ICE2: variants seen among roughly 807,000 people sequenced by gnomAD.
ICE2 encodes the protein interactor of little elongation complex ELL subunit 2, also known as little elongation complex subunit 2.
In ICE2, 87 loss-of-function variants were observed where a neutral mutation model predicts 105.4. The observed-to-expected ratio is 0.83, with a 90% CI of 0.69 to 0.99. ICE2 has a LOEUF of 0.99. Ranked by LOEUF, ICE2 falls within the 50% of genes least tolerant of loss-of-function variation. The pLI is 0.00. For synonymous variants in ICE2, 399 were observed against 392.0 expected (o/e 1.02, Z -0.21); for missense variants, 1,323 against 1,146.7 (o/e 1.15, Z -2.22).
chr15:60,475,244 A>G (rs985134047), intron 3 of ICE2, among the ~76,000 whole-genome samples: 7 of 152,232 alleles, frequency 4.6e-5, no homozygotes, highest in Non-Finnish European at 7.3e-5. Context: ...TCGATCAAAA[A>G]GCAAAGAAGA....
At chr15:60,462,605 A>C (rs1285033914) in intron 5 of ICE2, among the ~76,000 whole-genome samples, 1 of 152,204 alleles carries the variant, frequency 6.6e-6, no homozygotes, top group Admixed American at 6.5e-5. Flanking sequence ...ATAGCCCATA[A>C]AGTTTTTGTA....
rs561202608 is a variant in ICE2 at position 60,434,853 on chromosome 15, T to C, written c.2510+1290A>G. Among the ~76,000 whole-genome samples the C allele has an allele frequency of 2.6e-5, 4 of 152,294 alleles. No homozygotes were observed. In the South Asian group the frequency reaches 6.2e-4, roughly 24 times the overall value. Reference sequence around the variant, plus strand: ...ACCATAGTAGAGAAATTACAGTTCATCATAATTTACTGTATATGTCCAAAT... The same window carrying C: ...ACCATAGTAGAGAAATTACAGTTCACCATAATTTACTGTATATGTCCAAAT... On this transcript the variant is annotated intron_variant, in intron 13 of 15. Coordinates refer to ENST00000261520, the MANE Select transcript of ICE2 (RefSeq NM_024611.6).
chr15:60,435,599 C>A (rs1317901757), intron 13 of ICE2, among the ~76,000 whole-genome samples: 4 of 143,360 alleles, frequency 2.8e-5, no homozygotes, highest in African/African-American at 1.1e-4. Flanking sequence ...AACTCTGTCT[C>A]AAAAAAAAAA....
rs1288018776 is a variant in ICE2, at chr15:60,464,731, G to T, written c.528+1863C>A. On this transcript the variant is annotated intron_variant, in intron 5 of 15. Coordinates refer to ENST00000261520, the MANE Select transcript of ICE2 (RefSeq NM_024611.6). ...ATCATGCAGGCCACTGTAGAACTTT[G>T]TAAAGACTCTTCCTAAGAAAGATGG... 2.0e-5 allele frequency among the ~76,000 whole-genome samples: 3 copies of T among 152,136 alleles called. No homozygotes were observed. In the East Asian group the frequency reaches 5.8e-4, roughly 29 times the overall value.
chr15:60,462,412 G>C (rs2064304162), intron 5 of ICE2, among the ~76,000 whole-genome samples: 1 of 152,086 alleles, frequency 6.6e-6, no homozygotes, highest in African/African-American at 2.4e-5. Flanking sequence ...TAGATTTTAA[G>C]TGTTCTCACA....
intron 9 of ICE2, among the ~76,000 whole-genome samples, chr15:60,450,554 TC>T: frequency 6.6e-6 from 1 of 152,324 alleles, no homozygotes; most frequent in East Asian, 1.9e-4. Context: ...CTCTCTTCAA[TC>T]TGACAGAGCA....
intron 11 of ICE2, chr15:60,447,464 T>C (rs980944007): frequency 3.3e-5 from 5 of 152,236 alleles, no homozygotes; most frequent in Admixed American, 2.6e-4. Context: ...GATTTTCGAA[T>C]ATTTACATAT....
chr15:60,456,068 C>A (rs781058391), intron 6 of ICE2, among the ~76,000 whole-genome samples: 69 of 151,738 alleles, frequency 4.5e-4, no homozygotes, highest in Non-Finnish European at 9.0e-4. Context: ...AAAAAAGGGG[C>A]TTTCTGCTTG....
intron 3 of ICE2, among the ~76,000 whole-genome samples, chr15:60,475,753 T>C (rs1399748390): frequency 6.6e-6 from 1 of 152,140 alleles, no homozygotes; most frequent in Non-Finnish European, 1.5e-5. Flanking sequence ...CAATTATTAG[T>C]ATAATATTGG....
intron 5 of ICE2, among the ~76,000 whole-genome samples, chr15:60,464,936 C>G (rs1468057652): frequency 2.0e-5 from 3 of 152,148 alleles, no homozygotes; most frequent in Non-Finnish European, 2.9e-5. Context: ...CCCAGGAATT[C>G]AAGGCTGCAG....
Position 60,456,702 on chromosome 15 carries a change from G to T in ICE2, c.621C>A (p.Phe207Leu). The change falls in exon 6 of 16, where the codon TTC becomes TTA. Residue 207 changes from phenylalanine (F) to leucine (L), a missense_variant. Phe to Leu is a conservative substitution (Grantham distance 22). Coordinates refer to ENST00000261520, the MANE Select transcript of ICE2 (RefSeq NM_024611.6). Reference sequence around the variant, plus strand: ...CTAACTTTAATCCCATCTCTACTCTGAATGGGAAGAATCCCATTAAGCTGG... The same window carrying T: ...CTAACTTTAATCCCATCTCTACTCTTAATGGGAAGAATCCCATTAAGCTGG... ...EVTSLMGFFP[F>L]RVEMGLKLEK... is the part of the protein sequence containing the mutation. 1 of 1,593,190 alleles carries T rather than the reference G, an allele frequency of 6.3e-7. No individual in the cohort carries two copies. Among genetic ancestry groups the T allele is most frequent in the South Asian group, 1.1e-5 (1 of 89,198 alleles).
chr15:60,426,984 T>TA (rs1284310738), intron 15 of ICE2, among the ~76,000 whole-genome samples: 1 of 152,188 alleles, frequency 6.6e-6, no homozygotes, highest in Admixed American at 6.5e-5. Flanking sequence ...TAAAATAGCT[T>TA]AAAATGCTAA....
chr15:60,451,221 A>G, intron 9 of ICE2: 1 of 599,580 alleles, frequency 1.7e-6, no homozygotes, highest in African/African-American at 2.0e-5. Flanking sequence ...GAAAGTATGA[A>G]TAATAATAAA....
At chr15:60,436,284 A>G (rs190819296) in intron 12 of ICE2, 57 bp from the exon 13 acceptor site, 14 of 643,186 alleles carry the variant, frequency 2.2e-5, no homozygotes, top group East Asian at 1.9e-4. Context: ...TAGAAAAAAA[A>G]AAAACCAAGT....
chr15:60,462,025 T>A (rs111860611), intron 5 of ICE2, among the ~76,000 whole-genome samples: 2 of 152,036 alleles, frequency 1.3e-5, no homozygotes, highest in Admixed American at 6.6e-5. Flanking sequence ...AATAACATTT[T>A]AAAAAAAGAA....
chr15:60,475,184 T>TA (rs1020488968), intron 3 of ICE2, among the ~76,000 whole-genome samples: 6 of 152,218 alleles, frequency 3.9e-5, no homozygotes, highest in Non-Finnish European at 7.3e-5. Context: ...ATTTTTCTAG[T>TA]AAACTCAATT....
intron 3 of ICE2, 100 bp from the exon 4 acceptor site, chr15:60,468,422 T>C (rs2141145516): frequency 1.1e-6 from 1 of 913,058 alleles, no homozygotes; most frequent in Non-Finnish European, 1.7e-6. Flanking sequence ...TATAGCGTGA[T>C]TAACAGAGTA....
chr15:60,449,099 C>T lies in ICE2; in HGVS notation c.1868G>A (p.Cys623Tyr). ...TAAAACACATGACTCTTCAGGACTA[C>T]AAGCAGTATTAGTCTGGTTTCCTAC... The part of the protein sequence containing the change: ...ASVGNQTNTA[C>Y]SPEESCVLKK... Residue 623 changes from cysteine (C) to tyrosine (Y), a missense_variant, in exon 10 of 16, where the codon TGT (cysteine) becomes TAT (tyrosine). Physicochemically the swap from Cys to Tyr is radical, Grantham distance 194 (BLOSUM62 -2). Transcript: ENST00000261520. 1 of 1,613,984 alleles carries T rather than the reference C, an allele frequency of 6.2e-7. No individual in the cohort carries two copies. The highest frequency in any genetic ancestry group is 1.7e-4 in the Middle Eastern group (1 of 6,046).
chr15:60,434,849 T>G (rs957208466), intron 13 of ICE2, among the ~76,000 whole-genome samples: 2 of 152,156 alleles, frequency 1.3e-5, no homozygotes, highest in African/African-American at 4.8e-5. Flanking sequence ...GAAATTACAG[T>G]TCATCATAAT....
Sources: allele counts gnomAD v4.1 joint callset (sites outside exome capture counted in the v4.1 genomes callset), GRCh38; gene constraint gnomAD v4.1.1; transcripts MANE v1.5; gene names NCBI Gene and HGNC (gene_info 2026-07-23, HGNC 2026-07-21).